RTL4: variants seen among roughly 807,000 people sequenced by gnomAD.
The protein encoded by RTL4 is retrotransposon Gag-like protein 4.
RTL4 carries 4 observed loss-of-function variants against 5.3 expected under a neutral mutation model. The ratio of observed to expected loss-of-function variants is 0.75; its 90% confidence interval spans 0.37 to 1.72. The LOEUF (loss-of-function observed/expected upper bound fraction) is 1.72. Among genes scored for constraint, RTL4 ranks in the 40% most tolerant of loss-of-function variants. The probability of loss-of-function intolerance (pLI) is 0.04; values close to 1 mark genes in which losing one functional copy is unlikely to be tolerated. For synonymous variants in RTL4, 98 were observed against 87.3 expected, an observed-to-expected ratio of 1.12 and a Z score of -0.68; for missense variants, 260 against 227.1, an observed-to-expected ratio of 1.14 and a Z score of -0.93.
At chrX:112,254,424 G>A in the RTL4 span, among the ~76,000 whole-genome samples, 4 of 109,986 alleles carry the variant, frequency 3.6e-5, no homozygotes, top group African/African-American at 1.3e-4. Flanking sequence ...CCACCTCCTG[G>A]GTTCAAGTGA....
the RTL4 span, among the ~76,000 whole-genome samples, chrX:112,243,101 T>A: frequency 2.7e-5 from 3 of 111,863 alleles, no homozygotes; most frequent in African/African-American, 9.8e-5. Context: ...GCCAGTATTT[T>A]ATCGAGGCTT....
chrX:112,420,570 T>C, the RTL4 span, among the ~76,000 whole-genome samples: 1 of 111,328 alleles, frequency 9.0e-6, no homozygotes, highest in Non-Finnish European at 1.9e-5. Context: ...GCCACTTAGG[T>C]CCTGGGCCAA....
chrX:112,429,234 C>G, the RTL4 span, among the ~76,000 whole-genome samples: 1 of 111,159 alleles, frequency 9.0e-6, no homozygotes, highest in African/African-American at 3.3e-5. Flanking sequence ...CTTTTATCTT[C>G]CACAGATTTT....
At chrX:112,289,758 G>A in the RTL4 span, among the ~76,000 whole-genome samples, 3 of 90,241 alleles carry the variant, frequency 3.3e-5, no homozygotes, top group Admixed American at 1.2e-4. Context: ...ATGTGTGTAC[G>A]TGTGTGTATA....
the RTL4 span, among the ~76,000 whole-genome samples, chrX:112,158,406 G>A: frequency 2.8e-5 from 3 of 109,072 alleles, no homozygotes; most frequent in African/African-American, 1.0e-4. Flanking sequence ...CTGCTATCCA[G>A]GTACATATGT....
chrX:112,448,827 A>T, the RTL4 span, among the ~76,000 whole-genome samples: 1 of 111,855 alleles, frequency 8.9e-6, no homozygotes, highest in Non-Finnish European at 1.9e-5. Context: ...TGTTTTCTGA[A>T]CTGGAAAATT....
At chrX:112,295,634 A>G in the RTL4 span, among the ~76,000 whole-genome samples, 7 of 112,296 alleles carry the variant, frequency 6.2e-5, no homozygotes, top group African/African-American at 2.3e-4. Flanking sequence ...CTCAGAGATA[A>G]ATTCAGTGCT....
chrX:112,207,779 G>T, the RTL4 span, among the ~76,000 whole-genome samples: 4 of 110,189 alleles, frequency 3.6e-5, no homozygotes, highest in African/African-American at 1.3e-4. Context: ...AACTCCTCCA[G>T]AGGCCCCTAA....
the RTL4 span, among the ~76,000 whole-genome samples, chrX:112,265,267 T>C: frequency 1.8e-5 from 2 of 112,701 alleles, no homozygotes; most frequent in South Asian, 3.6e-4. Context: ...GCCTCCTTCA[T>C]AGAGGTTCTC....
the RTL4 span, among the ~76,000 whole-genome samples, chrX:112,100,546 G>C: frequency 6.3e-5 from 7 of 111,754 alleles, no homozygotes; most frequent in Non-Finnish European, 1.3e-4. Flanking sequence ...TATCATACCT[G>C]TATTAGTTAA....
chrX:112,419,570 A>T, the RTL4 span, among the ~76,000 whole-genome samples: 1 of 4,366 alleles, frequency 2.3e-4, no homozygotes, highest in African/African-American at 3.0e-4. Context: ...ATGTTGGCCA[A>T]GGTAGTATAT....
At chrX:112,245,501 T>A in the RTL4 span, among the ~76,000 whole-genome samples, 2 of 112,146 alleles carry the variant, frequency 1.8e-5, no homozygotes, top group Admixed American at 1.9e-4. Context: ...TACTGTCACT[T>A]GTGCATGCGT....
the RTL4 span, among the ~76,000 whole-genome samples, chrX:112,110,853 G>A: frequency 3.0e-4 from 34 of 111,578 alleles, no homozygotes; most frequent in Admixed American, 3.8e-4. Flanking sequence ...ACCATCTATC[G>A]TTCTGTCCTG....
chrX:112,356,539 A>G, the RTL4 span, among the ~76,000 whole-genome samples: 1 of 110,125 alleles, frequency 9.1e-6, no homozygotes, highest in Non-Finnish European at 1.9e-5. Context: ...TGTAGAAAAT[A>G]GGCAACTATA....
At chrX:112,210,533 G>A in the RTL4 span, among the ~76,000 whole-genome samples, 1 of 112,200 alleles carries the variant, frequency 8.9e-6, no homozygotes, top group Non-Finnish European at 1.9e-5. Context: ...TTGTACATTA[G>A]CACATTTTCA....
chrX:112,267,246 G>T, the RTL4 span, among the ~76,000 whole-genome samples: 1 of 111,835 alleles, frequency 8.9e-6, no homozygotes, highest in African/African-American at 3.2e-5. Context: ...CTTTTGCCTC[G>T]ATCACTCCAT....
chrX:112,327,341 A>C, the RTL4 span, among the ~76,000 whole-genome samples: 1 of 112,393 alleles, frequency 8.9e-6, no homozygotes, highest in Admixed American at 9.5e-5. Flanking sequence ...ACCAAGGCTC[A>C]AGAACTACGT....
the RTL4 span, among the ~76,000 whole-genome samples, chrX:112,161,076 A>G: frequency 8.9e-6 from 1 of 111,970 alleles, no homozygotes; most frequent in East Asian, 2.8e-4. Flanking sequence ...ATGATAGGCA[A>G]GCTAGGTGAT....
chrX:112,353,110 A>G, the RTL4 span, among the ~76,000 whole-genome samples: 1 of 112,114 alleles, frequency 8.9e-6, no homozygotes, highest in African/African-American at 3.2e-5. Flanking sequence ...CATCAGAGAA[A>G]TGCAAATAAA....
Sources: gnomAD v4.1 joint callset for allele counts (sites outside exome capture counted in the v4.1 genomes callset) on GRCh38, gnomAD v4.1.1 for gene constraint, MANE v1.5 for transcripts, NCBI Gene and HGNC (gene_info 2026-07-23, HGNC 2026-07-21) for gene names.